PPP2R5D: variants seen among roughly 807,000 people sequenced by gnomAD.
PPP2R5D encodes the protein protein phosphatase 2 regulatory subunit B'delta.
In PPP2R5D, 12 loss-of-function variants were observed where a neutral mutation model predicts 79.1. That is an observed-to-expected ratio of 0.15 (90% CI 0.10 to 0.25). The LOEUF is 0.25. Among genes scored for constraint, PPP2R5D ranks in the 10% least tolerant of loss-of-function variants. The pLI is 1.00. For missense variants in PPP2R5D, 419 were observed against 760.2 expected, an observed-to-expected ratio of 0.55 and a Z score of 5.28; for synonymous variants, 277 against 286.6, an observed-to-expected ratio of 0.97 and a Z score of 0.34.
intron 2 of PPP2R5D, among the ~76,000 whole-genome samples, chr6:42,992,868 C>T (rs576092657): frequency 6.6e-6 from 1 of 152,134 alleles, no homozygotes; most frequent in East Asian, 1.9e-4. Flanking sequence ...TGGCTTAAAA[C>T]AATAGAAATA....
At position 43,008,859 on chromosome 6, in the gene PPP2R5D, G is replaced by A. The variant is rs1762223678; in HGVS notation, c.1080+113G>A. 3 of 1,328,726 alleles carry A rather than the reference G, an allele frequency of 2.3e-6. No homozygotes were observed. Among genetic ancestry groups the A allele is most frequent in the African/African-American group, 1.5e-5 (1 of 68,122 alleles). The allele number at this position is 1,328,726 out of a possible 1,614,324, so 82.3% of individuals were successfully genotyped here. A position where few individuals can be genotyped will look rare whatever the true frequency, so the allele number is the denominator to read the frequency against. On this transcript the variant is annotated intron_variant, in intron 10 of 15. Coordinates refer to ENST00000485511, the MANE Select transcript of PPP2R5D (RefSeq NM_006245.4). The surrounding 1 kb of genome is among the most constrained non-coding windows in gnomAD (Gnocchi z 4.2). ...ACTCAGGAGGGCTGTGACCTGACCG[G>A]TAACATGGTTTCCTCTCTGAAGGGG...
Position 43,006,640 on chromosome 6 carries a change from A to T in PPP2R5D, c.283A>T (p.Ser95Cys), listed in dbSNP as rs1391246474. ...RRQSSSRFNLSKNRELQKLPA... is the reference protein window; with the variant it reads ...RRQSSSRFNLCKNRELQKLPA... ...GCAAAGCTCCTCCCGCTTCAACCTC[A>T]GCAAGAATCGGGAGCTGCAGAAGCT... Residue 95 changes from serine (S) to cysteine (C), a missense_variant, in exon 3 of 16, where the codon AGC becomes TGC. Physicochemically the swap from Ser to Cys is moderately radical, Grantham distance 112 (BLOSUM62 -1). Transcript: ENST00000485511. The surrounding 1 kb of genome is among the most constrained non-coding windows in gnomAD (Gnocchi z 4.7). The T allele has an allele frequency of 6.2e-7, 1 of 1,614,082 alleles. No individual in the cohort carries two copies. Among genetic ancestry groups the T allele is most frequent in the African/African-American group, 1.3e-5 (1 of 74,930 alleles).
At chr6:42,992,777 G>A (rs751909624) in intron 2 of PPP2R5D, among the ~76,000 whole-genome samples, 1 of 152,140 alleles carries the variant, frequency 6.6e-6, no homozygotes, top group Non-Finnish European at 1.5e-5. Context: ...GGCCATGATC[G>A]TACCACTGCA....
At position 42,989,692 on chromosome 6, in the gene PPP2R5D, A is replaced by G. The variant is rs775250891; in HGVS notation, c.105+4A>G. The G allele has an allele frequency of 2.5e-6, 4 of 1,612,462 alleles. No homozygotes were observed. The highest frequency in any genetic ancestry group is 2.5e-6 in the Non-Finnish European group (3 of 1,178,862). ...TGGAGGCGAGAACACTGAGGAGGTA[A>G]TGAATGTAGGCGTAGCCTTAGATGT... On this transcript the variant is annotated splice_donor_region_variant and intron_variant, in intron 2 of 15. Transcript: ENST00000485511.
chr6:42,988,249 A>G (rs903312795), intron 1 of PPP2R5D, among the ~76,000 whole-genome samples: 2 of 152,192 alleles, frequency 1.3e-5, no homozygotes, highest in African/African-American at 4.8e-5. Context: ...GAATTGCACA[A>G]TCTCAGAGCT....
chr6:42,999,902 C>T (rs979360237), intron 2 of PPP2R5D, among the ~76,000 whole-genome samples: 38 of 151,806 alleles, frequency 2.5e-4, no homozygotes, highest in African/African-American at 7.3e-4. Context: ...TAAACCTTAC[C>T]GGAATAATCG....
At chr6:43,003,781 C>G (rs186947203) in intron 2 of PPP2R5D, among the ~76,000 whole-genome samples, 17 of 152,266 alleles carry the variant, frequency 1.1e-4, no homozygotes, top group African/African-American at 4.1e-4. Flanking sequence ...GTCTCCCAGG[C>G]TGGAGTGCAG....
rs1762310948 is a variant in PPP2R5D, at chr6:43,010,758, T to C, written c.1554+22T>C. The C allele has an allele frequency of 6.2e-7, 1 of 1,613,494 alleles. No individual in the cohort carries two copies. On this transcript the variant is annotated intron_variant, in intron 14 of 15. Transcript: ENST00000485511. The surrounding 1 kb of genome is among the most constrained non-coding windows in gnomAD (Gnocchi z 4.7). ...CCAGGTGAGGTTTTCCTGCCACTGT[T>C]GTGAACTGAGGGGCCAGCCCATCTT...
In PPP2R5D at chr6:43,007,025, G is replaced by A; in HGVS notation, c.437G>A (p.Arg146Gln). 1.9e-6 allele frequency: 3 copies of A among 1,614,078 alleles called. No individual in the cohort carries two copies. Among genetic ancestry groups the A allele is most frequent in the Non-Finnish European group, 2.5e-6 (3 of 1,180,004 alleles). Residue 146 changes from arginine to glutamine, a missense_variant, in exon 4 of 16, where the codon CGG becomes CAG. Arg to Gln is a conservative substitution (Grantham distance 43). Around this residue, in one of 5 missense-constraint regions of PPP2R5D, gnomAD observed 29 missense variants for 64.2 expected, o/e 0.45. Transcript: ENST00000485511. This position sits in a 1 kb window ranked among gnomAD's most constrained non-coding sequence, Gnocchi z 4.5. ...LSDLKFKEVK[R>Q]AGLNEMVEYI... The stretch of plus-strand genomic sequence containing the variant: ...GACCTCAAATTCAAGGAGGTGAAGC[G>A]GGCAGGACTCAACGAGATGGTGGAG...
intron 2 of PPP2R5D, among the ~76,000 whole-genome samples, chr6:42,991,521 C>A (rs1475179562): frequency 6.6e-6 from 1 of 152,164 alleles, no homozygotes; most frequent in Non-Finnish European, 1.5e-5. Context: ...CACCTAACCA[C>A]AACTGTCATG....
At chr6:42,986,629 G>A (rs1393718861) in intron 1 of PPP2R5D, among the ~76,000 whole-genome samples, 4 of 151,978 alleles carry the variant, frequency 2.6e-5, no homozygotes, top group African/African-American at 9.7e-5. Flanking sequence ...GGTTTGGGTA[G>A]CTCAGTCGTA....
Position 43,008,905 on chromosome 6 carries a change from T to C in PPP2R5D, c.1081-152T>C. The C allele has an allele frequency of 8.2e-7, 1 of 1,226,488 alleles. No homozygotes were observed. The highest frequency in any genetic ancestry group is 1.1e-6 in the Non-Finnish European group (1 of 869,800). The allele number at this position is 1,226,488 out of a possible 1,614,324, so 76.0% of individuals were successfully genotyped here. A position where few individuals can be genotyped will look rare whatever the true frequency, so the allele number is the denominator to read the frequency against. ...AGGGGAAGCAAAACCTATATACACC[T>C]AGGAAACAGATCCAAGGCAAAGAAA... On this transcript the variant is annotated intron_variant, in intron 10 of 15. Transcript: ENST00000485511. The surrounding 1 kb of genome is among the most constrained non-coding windows in gnomAD (Gnocchi z 4.2).
chr6:42,995,899 C>T (rs1417240420), intron 2 of PPP2R5D, among the ~76,000 whole-genome samples: 18 of 150,560 alleles, frequency 1.2e-4, no homozygotes, highest in South Asian at 2.1e-4. Flanking sequence ...GTCTCACTGT[C>T]GCCCAGGCTG....
intron 2 of PPP2R5D, among the ~76,000 whole-genome samples, chr6:42,997,807 A>G (rs1404877882): frequency 6.6e-6 from 1 of 151,100 alleles, no homozygotes; most frequent in African/African-American, 2.4e-5. Flanking sequence ...CAGCCTCCCA[A>G]ACTGCTGGGA....
At chr6:42,994,893 A>T (rs1235055700) in intron 2 of PPP2R5D, among the ~76,000 whole-genome samples, 1 of 151,912 alleles carries the variant, frequency 6.6e-6, no homozygotes, top group East Asian at 1.9e-4. Context: ...GAGTAGGGAC[A>T]GAGGGAGGAA....
At chr6:42,999,607 C>T (rs985550861) in intron 2 of PPP2R5D, among the ~76,000 whole-genome samples, 9 of 152,092 alleles carry the variant, frequency 5.9e-5, no homozygotes, top group African/African-American at 1.9e-4. Context: ...ATTCTGTTGC[C>T]CAGGCTGGAT....
intron 2 of PPP2R5D, among the ~76,000 whole-genome samples, chr6:42,989,915 A>G (rs1771139810): frequency 6.6e-6 from 1 of 152,212 alleles, no homozygotes; most frequent in East Asian, 1.9e-4. Flanking sequence ...TTCCTATGAA[A>G]GTTGTTTCTC....
chr6:43,004,309 C>T (rs1354802459), intron 2 of PPP2R5D, among the ~76,000 whole-genome samples: 2 of 152,260 alleles, frequency 1.3e-5, no homozygotes, highest in African/African-American at 4.8e-5. Flanking sequence ...AGGCGTGAGC[C>T]ACCGCACTTG....
chr6:42,995,118 T>TTTTC (rs1362692794), intron 2 of PPP2R5D, among the ~76,000 whole-genome samples: 33 of 144,758 alleles, frequency 2.3e-4, no homozygotes, highest in African/African-American at 6.1e-4. Context: ...CCACCGAACT[T>TTTTC]TTTCTTTCTT....
Sources: gnomAD v4.1 joint callset for allele counts (sites outside exome capture counted in the v4.1 genomes callset) on GRCh38, gnomAD v4.1.1 for gene constraint, gnomAD v4.1.1 regional missense constraint, Gnocchi (gnomAD v3.1) non-coding constraint, MANE v1.5 for transcripts, NCBI Gene and HGNC (gene_info 2026-07-23, HGNC 2026-07-21) for gene names.